STIM1: variants seen among roughly 807,000 people sequenced by gnomAD.
STIM1 encodes stromal interaction molecule 1.
In STIM1, 25 loss-of-function variants were observed where a neutral mutation model predicts 74.7. That is an observed-to-expected ratio of 0.33 (90% CI 0.24 to 0.47). The LOEUF (loss-of-function observed/expected upper bound fraction) is 0.47, where lower values mean the gene tolerates loss of function less well. Among genes scored for constraint, STIM1 ranks in the 20% least tolerant of loss-of-function variants. The probability of loss-of-function intolerance (pLI) is 1.00; values close to 1 mark genes in which losing one functional copy is unlikely to be tolerated. For missense variants in STIM1, 728 were observed against 920.8 expected (o/e 0.79, Z 2.71); for synonymous variants, 328 against 348.8 (o/e 0.94, Z 0.66).
intron 8 of STIM1, 62 bp downstream of exon 8, chr11:4,082,413 T>G: frequency 6.7e-7 from 1 of 1,483,016 alleles, no homozygotes; most frequent in South Asian, 1.2e-5. Context: ...TTTACCTGCA[T>G]ATCTTCCTCT....
chr11:3,905,274 G>A (rs2092446319), intron 1 of STIM1, among the ~76,000 whole-genome samples: 1 of 151,986 alleles, frequency 6.6e-6, no homozygotes, highest in South Asian at 2.1e-4. Flanking sequence ...AGGCAAAGAT[G>A]TAGAACAAAA....
At chr11:3,991,169 CTTTTTTTT>C (rs1246143538) in intron 2 of STIM1, among the ~76,000 whole-genome samples, 1 of 124,234 alleles carries the variant, frequency 8.0e-6, no homozygotes, top group East Asian at 2.3e-4. Context: ...TCTTTCCTTT[CTTTTTTTT>C]TTTTTTTTTT....
In STIM1 at chr11:4,084,743, T is replaced by C; in HGVS notation, c.1545T>C (p.Asp515=). 1 of 1,289,424 alleles carries C rather than the reference T, an allele frequency of 7.8e-7. No individual in the cohort carries two copies. Among genetic ancestry groups the C allele is most frequent in the Non-Finnish European group, 1.0e-6 (1 of 988,882 alleles). 79.9% of individuals were successfully genotyped at this position (1,289,424 alleles called of 1,614,324 possible). ...SLCSTSAGSD[D]QSLWKYPAPS... ...GCTCTACATCCGCCGGCTCGGATGA[T>C]CAGTCCCTCTGGAAATACCCCGGTT... is the stretch of plus-strand genomic sequence containing the variant. The change falls in exon 11 of 13, where the codon GAT becomes GAC. Residue 515 remains aspartate, a synonymous_variant. Transcript: ENST00000526596.
At chr11:3,880,217 A>T (rs907142890) in intron 1 of STIM1, among the ~76,000 whole-genome samples, 1 of 152,176 alleles carries the variant, frequency 6.6e-6, no homozygotes, top group Non-Finnish European at 1.5e-5. Context: ...GGCCTGTGAA[A>T]ACAGTATTTG....
At chr11:3,962,973 A>C (rs1487032433) in intron 1 of STIM1, among the ~76,000 whole-genome samples, 1 of 152,204 alleles carries the variant, frequency 6.6e-6, no homozygotes, top group Admixed American at 6.5e-5. Context: ...TTTATTTGAA[A>C]TGCTCTGATC....
At chr11:3,894,906 T>TG (rs386372946) in intron 1 of STIM1, among the ~76,000 whole-genome samples, 1 of 15,808 alleles carries the variant, frequency 6.3e-5, no homozygotes, top group Non-Finnish European at 1.2e-4. Flanking sequence ...GCCTGGCTAA[T>TG]TTTTTTTTTT....
At chr11:4,025,753 T>G (rs1354733555) in intron 3 of STIM1, among the ~76,000 whole-genome samples, 5 of 152,182 alleles carry the variant, frequency 3.3e-5, no homozygotes, top group Non-Finnish European at 7.4e-5. Context: ...CTCCAGGCAG[T>G]TTTCTGGCAA....
At chr11:4,088,310 C>T (rs1438227789) in intron 12 of STIM1, among the ~76,000 whole-genome samples, 1 of 152,114 alleles carries the variant, frequency 6.6e-6, no homozygotes, top group Non-Finnish European at 1.5e-5. Context: ...CAGTCCTGGC[C>T]TCTGGGCTGC....
intron 1 of STIM1, among the ~76,000 whole-genome samples, chr11:3,917,828 G>A (rs145924278): frequency 2.0e-5 from 3 of 152,324 alleles, no homozygotes; most frequent in African/African-American, 4.8e-5. Context: ...GAATCAAGGC[G>A]AAGACTAAGT....
At chr11:3,923,325 T>C (rs1299207243) in intron 1 of STIM1, among the ~76,000 whole-genome samples, 3 of 152,020 alleles carry the variant, frequency 2.0e-5, no homozygotes, top group African/African-American at 7.2e-5. Context: ...AGATCATTCC[T>C]GGGCCGAGCG....
chr11:3,937,809 C>A (rs1024422409), intron 1 of STIM1, among the ~76,000 whole-genome samples: 2 of 152,216 alleles, frequency 1.3e-5, no homozygotes, highest in Admixed American at 1.3e-4. Flanking sequence ...AGCTCCAGAA[C>A]CTTCTCTCAT....
In STIM1 at chr11:3,901,927, C is replaced by G. The variant is rs530173747; in HGVS notation, c.139+45518C>G. ...AAACTACAGGCACGTGCCACGATGC[C>G]CAGCTAATTTTTGTATTTTTTGTAG... On this transcript the variant is annotated intron_variant, in intron 1 of 12. Transcript: ENST00000526596. 3.3e-5 allele frequency among the ~76,000 whole-genome samples: 5 copies of G among 152,240 alleles called. No individual in the cohort carries two copies. In the South Asian group the frequency reaches 1.0e-3, roughly 32 times the overall value.
intron 2 of STIM1, among the ~76,000 whole-genome samples, chr11:3,997,677 C>T (rs762470707): frequency 1.3e-5 from 2 of 152,062 alleles, no homozygotes; most frequent in Non-Finnish European, 2.9e-5. Context: ...GGTGAAAAGC[C>T]TGGTACTGTC....
chr11:4,048,852 G>A (rs547702153), intron 3 of STIM1, among the ~76,000 whole-genome samples: 5 of 152,042 alleles, frequency 3.3e-5, no homozygotes, highest in Admixed American at 6.5e-5. Flanking sequence ...TCCTACCTTA[G>A]CCTCCTGAGT....
intron 4 of STIM1, chr11:4,059,035 C>T (rs2094311677): frequency 1.1e-6 from 1 of 943,784 alleles, no homozygotes; most frequent in Non-Finnish European, 1.4e-6. Context: ...GACAGGTAAT[C>T]CTTAGAGGAT....
chr11:3,914,478 TGTCGCCA>T (rs2092612539), intron 1 of STIM1, among the ~76,000 whole-genome samples: 2 of 152,238 alleles, frequency 1.3e-5, no homozygotes, highest in Admixed American at 1.3e-4. Flanking sequence ...AGTCTCACTC[TGTCGCCA>T]GGCTGGAGTA....
intron 1 of STIM1, among the ~76,000 whole-genome samples, chr11:3,864,841 G>A (rs74050924): frequency 0.035 from 5,264 of 152,266 alleles, 298 homozygotes; most frequent in African/African-American, 0.12. Flanking sequence ...CTTTGCTTAT[G>A]ACCTAGAGTC....
intron 1 of STIM1, among the ~76,000 whole-genome samples, chr11:3,951,536 A>G (rs893855149): frequency 2.6e-5 from 4 of 152,026 alleles, no homozygotes; most frequent in Admixed American, 2.6e-4. Flanking sequence ...CATTGTTTTT[A>G]CCCCATGCAG....
intron 2 of STIM1, among the ~76,000 whole-genome samples, chr11:4,014,389 A>G (rs12800876): frequency 4.6e-5 from 7 of 152,086 alleles, no homozygotes; most frequent in African/African-American, 1.2e-4. Context: ...CTGAGTTCTA[A>G]TTTGATTGCA....
Sources: allele counts gnomAD v4.1 joint callset (sites outside exome capture counted in the v4.1 genomes callset), GRCh38; gene constraint gnomAD v4.1.1; transcripts MANE v1.5; gene names NCBI Gene and HGNC (gene_info 2026-07-23, HGNC 2026-07-21).